MSI2: variants seen among roughly 807,000 people sequenced by gnomAD.
MSI2 encodes the protein musashi RNA binding protein 2.
MSI2 carries 17 observed loss-of-function variants against 45.6 expected under a neutral mutation model. That is an observed-to-expected ratio of 0.37 (90% CI 0.26 to 0.56). The LOEUF is 0.56. Ranked by LOEUF, MSI2 falls within the 20% of genes least tolerant of loss-of-function variation. The pLI is 0.77. For missense variants in MSI2, 293 were observed against 444.2 expected (o/e 0.66, Z 3.06); for synonymous variants, 156 against 158.2 (o/e 0.99, Z 0.11).
At position 57,683,970 on chromosome 17, in the gene MSI2, C is replaced by A; in HGVS notation, c.*4453C>A. On this transcript the variant is annotated 3_prime_UTR_variant, in exon 14 of 14. Transcript: ENST00000284073. The surrounding 1 kb of genome is among the most constrained non-coding windows in gnomAD (Gnocchi z 5.2). ...AAAAAAAAGTAAGTAAACTAAAACA[C>A]AAAAACATATAAATAAAATCCATCC... The A allele has an allele frequency of 4.4e-6, 1 of 229,116 alleles. No individual in the cohort carries two copies. Among genetic ancestry groups the A allele is most frequent in the Non-Finnish European group, 8.7e-6 (1 of 115,556 alleles). 14.2% of individuals were successfully genotyped at this position (229,116 alleles called of 1,614,324 possible). A position where few individuals can be genotyped will look rare whatever the true frequency, so the allele number is the denominator to read the frequency against.
chr17:57,635,445 C>T (rs1456977051), intron 10 of MSI2, among the ~76,000 whole-genome samples: 2 of 152,244 alleles, frequency 1.3e-5, no homozygotes, highest in Non-Finnish European at 2.9e-5. Flanking sequence ...TCTCTCCCTG[C>T]GTGGGGCTGG....
chr17:57,398,163 A>G (rs572920054), intron 5 of MSI2, among the ~76,000 whole-genome samples: 24 of 152,166 alleles, frequency 1.6e-4, no homozygotes, highest in Non-Finnish European at 3.2e-4. Context: ...GGAATGAACA[A>G]TCTGTTGACT....
intron 4 of MSI2, among the ~76,000 whole-genome samples, chr17:57,259,212 A>G (rs937200177): frequency 6.6e-6 from 1 of 151,890 alleles, no homozygotes; most frequent in Non-Finnish European, 1.5e-5. Flanking sequence ...GTTTTTATTA[A>G]TATATATCTG....
At position 57,616,059 on chromosome 17, in the gene MSI2, G is replaced by A. The variant is rs531434778; in HGVS notation, c.627G>A (p.Ala209=). The A allele has an allele frequency of 2.9e-5, 46 of 1,613,894 alleles. No homozygotes were observed. Among genetic ancestry groups the A allele is most frequent in the African/African-American group, 8.0e-5 (6 of 74,930 alleles). The change falls in exon 9 of 14, where the codon GCG becomes GCA. Residue 209 remains alanine, a synonymous_variant. Transcript: ENST00000284073. ...RARGLPYTMD[A]FMLGMGMLGY... is the part of the protein sequence containing the mutation. ...GGGGACTGCCTTACACCATGGACGC[G>A]TTCATGCTTGGCATGGGGATGCTGG...
rs576446957 is a variant in MSI2, at chr17:57,331,918, G to C, written c.313-69461G>C. ...GAGTTGCTTTTAGTGTTACAACCTT[G>C]ATCTTTAAAATCGTACTCAAAAATA... On this transcript the variant is annotated intron_variant, in intron 5 of 13. Coordinates refer to ENST00000284073, the MANE Select transcript of MSI2 (RefSeq NM_138962.4). Among the ~76,000 whole-genome samples the C allele has an allele frequency of 4.6e-5, 7 of 152,228 alleles. No homozygotes were observed. The South Asian group carries it at 1.0e-3, about 23-fold the overall frequency.
At chr17:57,674,923 A>T in intron 11 of MSI2, 49 bp from the exon 12 acceptor site, 2 of 1,609,072 alleles carry the variant, frequency 1.2e-6, no homozygotes, top group Non-Finnish European at 1.7e-6. Context: ...ACCAGTCCTG[A>T]ATAGCTACAG....
chr17:57,370,546 G>A (rs2083405315), intron 5 of MSI2, among the ~76,000 whole-genome samples: 1 of 152,170 alleles, frequency 6.6e-6, no homozygotes, highest in Non-Finnish European at 1.5e-5. Flanking sequence ...TCAGGAGTTA[G>A]TCCTAAGACT....
intron 10 of MSI2, chr17:57,631,205 G>A (rs1378837027): frequency 6.6e-6 from 1 of 152,408 alleles, no homozygotes; most frequent in Non-Finnish European, 1.5e-5. Flanking sequence ...AAGACAGCTA[G>A]CTGGGAGAAA....
intron 6 of MSI2, among the ~76,000 whole-genome samples, chr17:57,465,210 C>T (rs2085307517): frequency 2.6e-5 from 4 of 152,022 alleles, no homozygotes; most frequent in South Asian, 4.2e-4. Flanking sequence ...GCCTATAATC[C>T]CAGTACTTTG....
intron 5 of MSI2, among the ~76,000 whole-genome samples, chr17:57,353,010 A>G (rs1916141513): frequency 6.6e-6 from 1 of 152,244 alleles, no homozygotes; most frequent in African/African-American, 2.4e-5. Flanking sequence ...TCTGCTCTGC[A>G]GCTTTAAAAA....
intron 8 of MSI2, among the ~76,000 whole-genome samples, chr17:57,599,738 T>C (rs1287132796): frequency 2.0e-5 from 3 of 152,254 alleles, no homozygotes; most frequent in Non-Finnish European, 1.5e-5. Context: ...CCAACAGTTA[T>C]GAGCTCCAAG....
At chr17:57,490,697 G>A (rs1007797098) in intron 6 of MSI2, among the ~76,000 whole-genome samples, 7 of 152,182 alleles carry the variant, frequency 4.6e-5, no homozygotes, top group East Asian at 1.9e-4. Context: ...ATCACAGGCC[G>A]AGAAGCGACC....
At chr17:57,701,327 T>C in the MSI2 span, among the ~76,000 whole-genome samples, 6 of 152,296 alleles carry the variant, frequency 3.9e-5, no homozygotes, top group Admixed American at 3.9e-4. Flanking sequence ...CCCAATTTGA[T>C]GGTATACGAA....
At chr17:57,334,431 G>A (rs996855600) in intron 5 of MSI2, among the ~76,000 whole-genome samples, 1 of 152,086 alleles carries the variant, frequency 6.6e-6, no homozygotes, top group African/African-American at 2.4e-5. Flanking sequence ...TGGCATTAGG[G>A]GTTGGCTGAG....
chr17:57,405,610 G>A lies in MSI2; in HGVS notation c.405+4139G>A, dbSNP rs557007619. On this transcript the variant is annotated intron_variant, in intron 6 of 13. Coordinates refer to ENST00000284073, the MANE Select transcript of MSI2 (RefSeq NM_138962.4). The stretch of plus-strand genomic sequence containing the variant: ...AGAGTTTATTTTGGGACTTCATGAC[G>A]CAGGGACAGTGAAGGGATTCTTTAT... Among the ~76,000 whole-genome samples the A allele has an allele frequency of 1.7e-4, 26 of 152,264 alleles. 1 individual carries two copies. The highest frequency in any genetic ancestry group is 1.5e-3 in the Admixed American group (23 of 15,308).
chr17:57,509,801 G>A (rs2086312769), intron 6 of MSI2, among the ~76,000 whole-genome samples: 1 of 152,034 alleles, frequency 6.6e-6, no homozygotes, highest in Non-Finnish European at 1.5e-5. Context: ...GATTAATTCA[G>A]TTGTCTCTAC....
intron 6 of MSI2, among the ~76,000 whole-genome samples, chr17:57,514,814 G>C (rs2086435431): frequency 6.6e-6 from 1 of 152,020 alleles, no homozygotes; most frequent in Non-Finnish European, 1.5e-5. Context: ...GTAAGGAGTA[G>C]ACCAAAAATT....
At chr17:57,318,142 C>CT (rs1309199873) in intron 5 of MSI2, among the ~76,000 whole-genome samples, 2 of 152,012 alleles carry the variant, frequency 1.3e-5, no homozygotes, top group Admixed American at 1.3e-4. Context: ...GAGGGAGACT[C>CT]TGTCTCAAAA....
chr17:57,507,308 A>G lies in MSI2; in HGVS notation c.406-22368A>G, dbSNP rs548959017. On this transcript the variant is annotated intron_variant, in intron 6 of 13. Coordinates refer to ENST00000284073, the MANE Select transcript of MSI2 (RefSeq NM_138962.4). ...CCCCCACCCCCGACAATGACTAAGA[A>G]GCATTGAGAACTGGGCTTTTTCCTA... 2.7e-5 allele frequency among the ~76,000 whole-genome samples: 4 copies of G among 148,904 alleles called. No individual in the cohort carries two copies. In the East Asian group the frequency reaches 8.0e-4, roughly 30 times the overall value.
Sources: gnomAD v4.1 joint callset for allele counts (sites outside exome capture counted in the v4.1 genomes callset) on GRCh38, gnomAD v4.1.1 for gene constraint, Gnocchi (gnomAD v3.1) non-coding constraint, MANE v1.5 for transcripts, NCBI Gene and HGNC (gene_info 2026-07-23, HGNC 2026-07-21) for gene names.